Variants in SORCS1 observed in about 807,000 individuals in gnomAD.
SORCS1 encodes VPS10 domain-containing receptor SorCS1.
In SORCS1, 60 loss-of-function variants were observed where a neutral mutation model predicts 146.1. The ratio of observed to expected loss-of-function variants is 0.41; its 90% confidence interval spans 0.33 to 0.51. SORCS1 has a LOEUF of 0.51. SORCS1 is among the 20% of genes least tolerant of loss of function. The pLI, the probability that SORCS1 is intolerant of heterozygous loss-of-function variation, is 0.21. For synonymous variants in SORCS1, 637 were observed against 584.0 expected (o/e 1.09, Z -1.31); for missense variants, 1,352 against 1,487.6 (o/e 0.91, Z 1.50).
intron 17 of SORCS1, among the ~76,000 whole-genome samples, chr10:106,656,152 T>C (rs999169497): frequency 3.9e-5 from 6 of 152,202 alleles, no homozygotes; most frequent in Admixed American, 2.0e-4. Context: ...CCCCAATTTT[T>C]AGCTATTCTC....
chr10:106,975,178 CAG>C (rs1400995138), intron 1 of SORCS1, among the ~76,000 whole-genome samples: 1 of 152,202 alleles, frequency 6.6e-6, no homozygotes, highest in African/African-American at 2.4e-5. Flanking sequence ...ATGCTTCCCT[CAG>C]AGTTTAGAGA....
At chr10:106,618,011 G>T in intron 21 of SORCS1, 138 bp downstream of exon 21, 1 of 1,094,374 alleles carries the variant, frequency 9.1e-7, no homozygotes, top group Non-Finnish European at 1.3e-6. Flanking sequence ...GATGAGACTC[G>T]CCTCAGCTCT....
chr10:106,824,163 G>C (rs557789877), intron 3 of SORCS1, among the ~76,000 whole-genome samples: 2 of 151,984 alleles, frequency 1.3e-5, no homozygotes, highest in South Asian at 2.1e-4. Context: ...AATTAGTTGG[G>C]TGTGGTGGTG....
At chr10:106,719,129 C>G (rs886707252) in intron 6 of SORCS1, among the ~76,000 whole-genome samples, 1 of 151,988 alleles carries the variant, frequency 6.6e-6, no homozygotes, top group Non-Finnish European at 1.5e-5. Flanking sequence ...TAAAGAGCGA[C>G]AGAGACAGAG....
intron 1 of SORCS1, among the ~76,000 whole-genome samples, chr10:107,151,541 CA>C (rs1290855083): frequency 6.6e-6 from 1 of 152,106 alleles, no homozygotes; most frequent in East Asian, 1.9e-4. Context: ...CTGATAAACC[CA>C]TCAGATCCCA....
chr10:106,759,702 G>T (rs1858928229), intron 5 of SORCS1, among the ~76,000 whole-genome samples: 1 of 152,128 alleles, frequency 6.6e-6, no homozygotes, highest in Admixed American at 6.5e-5. Flanking sequence ...GGCAGTTAAA[G>T]AAAGGAATGC....
intron 1 of SORCS1, among the ~76,000 whole-genome samples, chr10:107,151,105 T>C (rs1216754491): frequency 6.6e-6 from 1 of 152,068 alleles, no homozygotes; most frequent in Non-Finnish European, 1.5e-5. Flanking sequence ...AGGAGGATGT[T>C]AGAAAGTCTG....
At chr10:106,904,885 T>G (rs1951848881) in intron 2 of SORCS1, among the ~76,000 whole-genome samples, 1 of 151,988 alleles carries the variant, frequency 6.6e-6, no homozygotes, top group African/African-American at 2.4e-5. Context: ...ATAAAAACAA[T>G]GTTAGAAATC....
intron 19 of SORCS1, among the ~76,000 whole-genome samples, chr10:106,628,297 T>A (rs112147733): frequency 2.0e-5 from 3 of 152,340 alleles, no homozygotes; most frequent in African/African-American, 7.2e-5. Context: ...AATGTTCTAA[T>A]TGATACTTTC....
At chr10:107,164,951 ACT>A (rs1478224612), upstream of SORCS1, among the ~76,000 whole-genome samples, 2 of 149,144 alleles carry the variant, frequency 1.3e-5, no homozygotes, top group Non-Finnish European at 3.0e-5. The surrounding 1 kb of genome is among the most constrained non-coding windows in gnomAD (Gnocchi z 6.8). Flanking sequence ...CCCGCCGCCC[ACT>A]CTGCGCCCCC....
At chr10:106,968,741 C>T (rs1031655469) in intron 1 of SORCS1, among the ~76,000 whole-genome samples, 3 of 152,088 alleles carry the variant, frequency 2.0e-5, no homozygotes, top group Non-Finnish European at 2.9e-5. Context: ...GAAAAGAATG[C>T]AAGCTTTTAA....
intron 5 of SORCS1, among the ~76,000 whole-genome samples, chr10:106,731,298 A>G (rs1589757584): frequency 2.0e-5 from 3 of 147,034 alleles, no homozygotes; most frequent in Admixed American, 1.4e-4. Flanking sequence ...GTCTCAAAAA[A>G]AAAAAAAAAA....
chr10:107,154,870 T>C (rs1317469267), intron 1 of SORCS1, among the ~76,000 whole-genome samples: 2 of 152,210 alleles, frequency 1.3e-5, no homozygotes, highest in Non-Finnish European at 2.9e-5. Context: ...AGTTATACTA[T>C]CTCTGTTAAT....
intron 21 of SORCS1, among the ~76,000 whole-genome samples, chr10:106,617,828 T>C (rs1423047967): frequency 6.6e-6 from 1 of 152,344 alleles, no homozygotes; most frequent in African/African-American, 2.4e-5. Context: ...CTATTTTATT[T>C]TGTAACTGGT....
intron 6 of SORCS1, among the ~76,000 whole-genome samples, chr10:106,710,432 G>GGA (rs1554905511): frequency 2.4e-5 from 3 of 126,836 alleles, no homozygotes; most frequent in Non-Finnish European, 3.2e-5. Flanking sequence ...TGGGTGACAG[G>GGA]AAAAAAAAAA....
chr10:106,596,058 C>T (rs972664211), intron 24 of SORCS1, among the ~76,000 whole-genome samples: 1 of 152,110 alleles, frequency 6.6e-6, no homozygotes, highest in Non-Finnish European at 1.5e-5. Context: ...CTGAGACATA[C>T]AGAAGTTAAA....
intron 2 of SORCS1, among the ~76,000 whole-genome samples, chr10:106,882,683 A>C (rs553418315): frequency 7.2e-5 from 11 of 152,282 alleles, no homozygotes; most frequent in African/African-American, 2.4e-4. Context: ...ACACACATAC[A>C]CACACAATCT....
chr10:106,758,800 C>T (rs977942511), intron 5 of SORCS1, among the ~76,000 whole-genome samples: 7 of 152,120 alleles, frequency 4.6e-5, no homozygotes, highest in Admixed American at 4.6e-4. Context: ...GAGTTGAGAT[C>T]CTGGAGAAAG....
chr10:106,954,607 C>T (rs1954846621), intron 2 of SORCS1, among the ~76,000 whole-genome samples: 2 of 152,190 alleles, frequency 1.3e-5, no homozygotes, highest in Non-Finnish European at 2.9e-5. Flanking sequence ...CCTTCTACTA[C>T]TATCACAATA....
Sources: gnomAD v4.1 joint callset for allele counts (sites outside exome capture counted in the v4.1 genomes callset) on GRCh38, gnomAD v4.1.1 for gene constraint, Gnocchi (gnomAD v3.1) non-coding constraint, MANE v1.5 for transcripts, NCBI Gene and HGNC (gene_info 2026-07-23, HGNC 2026-07-21) for gene names.